Variants in PLEKHD1 observed in about 807,000 individuals in gnomAD.
PLEKHD1 encodes the protein pleckstrin homology and coiled-coil domain containing D1, also known as pleckstrin homology domain-containing family D member 1.
PLEKHD1 carries 51 observed loss-of-function variants against 69.2 expected under a neutral mutation model. That is an observed-to-expected ratio of 0.74 (90% confidence interval 0.59 to 0.93). PLEKHD1 has a LOEUF of 0.93. Among genes scored for constraint, PLEKHD1 ranks in the 40% least tolerant of loss-of-function variants. The pLI is 0.00. For synonymous variants in PLEKHD1, 236 were observed against 244.7 expected (o/e 0.96, Z 0.33); for missense variants, 584 against 641.0 (o/e 0.91, Z 0.96).
At chr14:69,498,027 ATTTTG>A (rs1188522367) in intron 1 of PLEKHD1, among the ~76,000 whole-genome samples, 1 of 144,334 alleles carries the variant, frequency 6.9e-6, no homozygotes, top group Non-Finnish European at 1.5e-5. Flanking sequence ...TTTCTATTTT[ATTTTG>A]TTTTATTTTA....
chr14:69,528,545 C>T lies in PLEKHD1; in HGVS notation c.*126C>T. The stretch of plus-strand genomic sequence containing the variant: ...GTCTGGAGCCTATGTCTCCTCTGGG[C>T]CGGAGCTCCACTTGGGGGCCAGCCT... On this transcript the variant is annotated 3_prime_UTR_variant, in exon 13 of 13. Transcript: ENST00000322564. The T allele has an allele frequency of 7.8e-7, 1 of 1,287,042 alleles. No homozygotes were observed. Among genetic ancestry groups the T allele is most frequent in the South Asian group, 1.5e-5 (1 of 64,820 alleles). The allele number at this position is 1,287,042 out of a possible 1,614,324, so 79.7% of individuals were successfully genotyped here.
chr14:69,510,958 A>T (rs1020705130), intron 6 of PLEKHD1, among the ~76,000 whole-genome samples: 3 of 152,188 alleles, frequency 2.0e-5, no homozygotes, highest in Admixed American at 6.5e-5. Flanking sequence ...GAGAGTTTTC[A>T]TCATCAATTG....
chr14:69,472,007 T>C, the PLEKHD1 span, among the ~76,000 whole-genome samples: 1 of 152,168 alleles, frequency 6.6e-6, no homozygotes, highest in African/African-American at 2.4e-5. Flanking sequence ...CACACGTTTT[T>C]ACACAGTCAC....
At chr14:69,471,054 G>T in the PLEKHD1 span, among the ~76,000 whole-genome samples, 2 of 143,170 alleles carry the variant, frequency 1.4e-5, no homozygotes, top group South Asian at 4.5e-4. Context: ...GCCTCCCAAA[G>T]GCCTGGGATT....
chr14:69,484,550 G>T (rs1346399677), upstream of PLEKHD1: 2 of 156,890 alleles, frequency 1.3e-5, no homozygotes, highest in Non-Finnish European at 2.8e-5. Context: ...GACGCACGGA[G>T]CCCGGCCCTC....
intron 6 of PLEKHD1, among the ~76,000 whole-genome samples, chr14:69,512,582 G>C (rs1883294506): frequency 6.6e-6 from 1 of 151,872 alleles, no homozygotes; most frequent in Non-Finnish European, 1.5e-5. Context: ...TTGATGAGTT[G>C]TATTTTCATT....
At chr14:69,478,102 C>T in the PLEKHD1 span, among the ~76,000 whole-genome samples, 1 of 152,274 alleles carries the variant, frequency 6.6e-6, no homozygotes, top group South Asian at 2.1e-4. Flanking sequence ...TCCCAAACCT[C>T]AATTCTTGAC....
chr14:69,490,666 G>C (rs1439719128), intron 1 of PLEKHD1, among the ~76,000 whole-genome samples: 2 of 152,176 alleles, frequency 1.3e-5, no homozygotes, highest in African/African-American at 4.8e-5. Flanking sequence ...AATTCCTGCT[G>C]TTCTGCCATC....
chr14:69,494,774 C>T (rs912963919), intron 1 of PLEKHD1, among the ~76,000 whole-genome samples: 14 of 152,170 alleles, frequency 9.2e-5, no homozygotes, highest in Non-Finnish European at 1.6e-4. Context: ...AGGAAGTGTA[C>T]CTCTGTGCAG....
rs1243781511 is a variant in PLEKHD1 at position 69,526,826 on chromosome 14, C to T, written c.1053C>T (p.Leu351=). The T allele has an allele frequency of 1.3e-6, 2 of 1,542,194 alleles. No individual in the cohort carries two copies. The part of the protein sequence containing the change: ...TAEKQQAERE[L]KAEVKVRMDL... ...AGAAGCAGCAGGCTGAGCGGGAGCT[C>T]AAGGTGCGACCTGGCCTGCTGGTGC... is the stretch of plus-strand genomic sequence containing the variant. The change falls in exon 10 of 13, where the codon CTC becomes CTT. Residue 351 remains leucine, a synonymous_variant. Coordinates refer to ENST00000322564, the MANE Select transcript of PLEKHD1 (RefSeq NM_001161498.2).
chr14:69,482,004 C>G (rs535876327), upstream of PLEKHD1, among the ~76,000 whole-genome samples: 57 of 152,228 alleles, frequency 3.7e-4, no homozygotes, highest in African/African-American at 1.3e-3. Flanking sequence ...CAAGGCTGAC[C>G]TGGTGCAGTC....
chr14:69,492,236 C>T (rs568409089), intron 1 of PLEKHD1, among the ~76,000 whole-genome samples: 1 of 152,176 alleles, frequency 6.6e-6, no homozygotes. Context: ...TATGCTGTTC[C>T]CTCTGTCTGG....
At chr14:69,479,403 C>CTTGGGGCCTTGAA in the PLEKHD1 span, among the ~76,000 whole-genome samples, 1 of 152,166 alleles carries the variant, frequency 6.6e-6, no homozygotes, top group African/African-American at 2.4e-5. Context: ...ACAGGATCAG[C>CTTGGGGCCTTGAA]TTGGGGCCTT....
rs80025495 is a variant in PLEKHD1, at chr14:69,505,445, G to A, written c.555+2566G>A. On this transcript the variant is annotated intron_variant, in intron 6 of 12. Coordinates refer to ENST00000322564, the MANE Select transcript of PLEKHD1 (RefSeq NM_001161498.2). ...AGCCGCTGAGGCAATTGATGTAATG[G>A]CCTAGTGATAAGATGAAGGTTCTTC... Among the ~76,000 whole-genome samples the A allele has an allele frequency of 3.8e-3, 579 of 152,306 alleles. 6 individuals are homozygous for A. Among genetic ancestry groups the A allele is most frequent in the South Asian group, 0.023 (113 of 4,824 alleles).
At chr14:69,492,851 C>T (rs1011164603) in intron 1 of PLEKHD1, among the ~76,000 whole-genome samples, 1 of 152,110 alleles carries the variant, frequency 6.6e-6, no homozygotes, top group African/African-American at 2.4e-5. Flanking sequence ...CTCACTGTAG[C>T]GTCGACCTCC....
At chr14:69,488,153 C>T (rs896658769) in intron 1 of PLEKHD1, among the ~76,000 whole-genome samples, 1 of 152,146 alleles carries the variant, frequency 6.6e-6, no homozygotes, top group African/African-American at 2.4e-5. Flanking sequence ...TTGTGTCCAC[C>T]TGGTGCCAGT....
At chr14:69,514,268 C>G (rs998447620) in intron 6 of PLEKHD1, among the ~76,000 whole-genome samples, 18 of 150,664 alleles carry the variant, frequency 1.2e-4, no homozygotes, top group African/African-American at 4.4e-4. Context: ...TTTTTTTCAG[C>G]CTTTTTTCTC....
chr14:69,483,072 C>T (rs1034475297), upstream of PLEKHD1, among the ~76,000 whole-genome samples: 1 of 152,068 alleles, frequency 6.6e-6, no homozygotes, highest in Non-Finnish European at 1.5e-5. Flanking sequence ...CTTCCCAGTC[C>T]CACCTCCTCC....
chr14:69,522,055 T>C (rs560103408), intron 6 of PLEKHD1, among the ~76,000 whole-genome samples: 1 of 152,222 alleles, frequency 6.6e-6, no homozygotes, highest in Non-Finnish European at 1.5e-5. Flanking sequence ...GTCTTCAGCA[T>C]GCAAAATGTG....
Sources: allele counts gnomAD v4.1 joint callset (sites outside exome capture counted in the v4.1 genomes callset), GRCh38; gene constraint gnomAD v4.1.1; transcripts MANE v1.5; gene names NCBI Gene and HGNC (gene_info 2026-07-23, HGNC 2026-07-21).